ADPRH: variants seen among roughly 807,000 people sequenced by gnomAD.
The protein encoded by ADPRH is ADP-ribose-L-arginine cleaving enzyme.
In ADPRH, 27 loss-of-function variants were observed where a neutral mutation model predicts 28.8. The observed-to-expected ratio is 0.94, with a 90% CI of 0.69 to 1.29. The LOEUF is 1.29. ADPRH is among the 50% of genes most tolerant of loss of function. ADPRH has a pLI of 0.00. For synonymous variants in ADPRH, 161 were observed against 166.9 expected (o/e 0.96, Z 0.27); for missense variants, 419 against 444.8 (o/e 0.94, Z 0.52).
chr3:119,580,652 A>G lies in ADPRH; in HGVS notation c.-37+16A>G, dbSNP rs1278368481. ...TAGACCTTGGGTAAATAGGGTTTAG[A>G]TAAGTGGAGGGGAGGGAAAAGTTTC... On this transcript the variant is annotated intron_variant, in intron 2 of 4. Transcript: ENST00000357003. 10 of 152,170 alleles carry G rather than the reference A, an allele frequency of 6.6e-5. No homozygotes were observed. The highest frequency in any genetic ancestry group is 5.9e-4 in the Admixed American group (9 of 15,274). 9.4% of individuals were successfully genotyped at this position (152,170 alleles called of 1,614,324 possible). A position where few individuals can be genotyped will look rare whatever the true frequency, so the allele number is the denominator to read the frequency against.
rs745369693 is a variant in ADPRH at position 119,582,479 on chromosome 3, C to T, written c.298+12C>T. ...TGGGCGGGCACCAGGTGAGCACAGC[C>T]GGTGGGAGGTGCAAGGAGGGCAAAG... is the stretch of plus-strand genomic sequence containing the variant. On this transcript the variant is annotated intron_variant, in intron 3 of 4. Coordinates refer to ENST00000357003, the MANE Select transcript of ADPRH (RefSeq NM_001125.4). 14 of 1,606,068 alleles carry T rather than the reference C, an allele frequency of 8.7e-6. No homozygotes were observed. Among genetic ancestry groups the T allele is most frequent in the Middle Eastern group, 1.7e-4 (1 of 5,992 alleles).
Position 119,582,464 on chromosome 3 carries a change from C to T in ADPRH, c.295C>T (p.Pro99Ser). 1 of 1,611,706 alleles carries T rather than the reference C, an allele frequency of 6.2e-7. No homozygotes were observed. The highest frequency in any genetic ancestry group is 1.3e-5 in the African/African-American group (1 of 74,984). ...CATGGAAGACATGGATGGGCGGGCA[C>T]CAGGTGAGCACAGCCGGTGGGAGGT... The part of the protein sequence containing the change: ...DCMEDMDGRA[P>S]GGASVHNAMQ... The change falls in exon 3 of 5, where the codon CCA becomes TCA. Residue 99 changes from proline to serine, a missense_variant. Pro to Ser is a moderately conservative substitution (Grantham distance 74). Transcript: ENST00000357003.
chr3:119,584,086 A>C (rs185982856), intron 3 of ADPRH, among the ~76,000 whole-genome samples: 90 of 151,756 alleles, frequency 5.9e-4, no homozygotes, highest in African/African-American at 1.8e-3. Context: ...CCAAAAAAAA[A>C]CTTTTTTTTA....
chr3:119,580,133 G>A (rs962740268), intron 1 of ADPRH: 1 of 152,284 alleles, frequency 6.6e-6, no homozygotes, highest in African/African-American at 2.4e-5. Flanking sequence ...GAAAAAAGAT[G>A]CCGGTCTTCT....
intron 3 of ADPRH, among the ~76,000 whole-genome samples, chr3:119,584,303 C>G (rs2082437580): frequency 6.6e-6 from 1 of 151,774 alleles, no homozygotes; most frequent in South Asian, 2.1e-4. Flanking sequence ...TGGCTCATGC[C>G]TGTAATCCAA....
intron 3 of ADPRH, 103 bp from the exon 4 acceptor site, chr3:119,586,182 C>T: frequency 6.5e-7 from 1 of 1,544,738 alleles, no homozygotes; most frequent in Non-Finnish European, 8.8e-7. Flanking sequence ...TTGGCTCTCC[C>T]TTTCCATCAA....
chr3:119,587,879 G>C lies in ADPRH; in HGVS notation c.*1G>C, dbSNP rs1197267677. The C allele has an allele frequency of 6.3e-7, 1 of 1,579,162 alleles. No individual in the cohort carries two copies. The highest frequency in any genetic ancestry group is 1.9e-5 in the Admixed American group (1 of 53,696). ...AGAAGACACTGTAATTTCCCTTTAGGGAGACGTGATGTTCACTTCTGATGG... is the reference window on the plus strand; with the variant it reads ...AGAAGACACTGTAATTTCCCTTTAGCGAGACGTGATGTTCACTTCTGATGG... On this transcript the variant is annotated 3_prime_UTR_variant, in exon 5 of 5. Transcript: ENST00000357003.
At position 119,588,005 on chromosome 3, in the gene ADPRH, C is replaced by A; in HGVS notation, c.*127C>A. The A allele has an allele frequency of 9.5e-7, 1 of 1,053,986 alleles. No individual in the cohort carries two copies. Among genetic ancestry groups the A allele is most frequent in the Non-Finnish European group, 1.3e-6 (1 of 757,508 alleles). 65.3% of individuals were successfully genotyped at this position (1,053,986 alleles called of 1,614,324 possible). A position where few individuals can be genotyped will look rare whatever the true frequency, so the allele number is the denominator to read the frequency against. ...CAGGGAATTTTGAGATAACAAGTCC[C>A]TTGGGCACCTTAAGCTCAGTTTTTT... is the stretch of plus-strand genomic sequence containing the variant. On this transcript the variant is annotated 3_prime_UTR_variant, in exon 5 of 5. Transcript: ENST00000357003.
At chr3:119,587,179 C>A (rs2082469956) in intron 4 of ADPRH, among the ~76,000 whole-genome samples, 1 of 152,220 alleles carries the variant, frequency 6.6e-6, no homozygotes. Flanking sequence ...TACTCTCGAC[C>A]CTCCCAGGGA....
rs1185879910 is a variant in ADPRH at position 119,586,451 on chromosome 3, C to A, written c.465C>A (p.Ser155Arg). Residue 155 changes from serine to arginine, a missense_variant, in exon 4 of 5, where the codon AGC becomes AGA. Physicochemically the swap from Ser to Arg is moderately radical, Grantham distance 110. Coordinates refer to ENST00000357003, the MANE Select transcript of ADPRH (RefSeq NM_001125.4). The stretch of plus-strand genomic sequence containing the variant: ...AACTGGACACACTGATCCAAGTGAG[C>A]ATCGAGAGTGGTCGGATGACCCACC... ...HSQLDTLIQV[S>R]IESGRMTHHH... The A allele has an allele frequency of 6.2e-7, 1 of 1,614,190 alleles. No homozygotes were observed. Among genetic ancestry groups the A allele is most frequent in the African/African-American group, 1.3e-5 (1 of 75,032 alleles).
intron 3 of ADPRH, among the ~76,000 whole-genome samples, chr3:119,585,770 C>T (rs892996633): frequency 2.6e-5 from 4 of 152,224 alleles, no homozygotes; most frequent in East Asian, 1.9e-4. Context: ...AGGATGGTCC[C>T]GATCTCCTGA....
In ADPRH at chr3:119,589,913, G is replaced by A. The variant is rs2082501021; in HGVS notation, c.*2035G>A. The A allele has an allele frequency of 6.6e-6, 1 of 152,028 alleles. No homozygotes were observed. The highest frequency in any genetic ancestry group is 2.4e-5 in the African/African-American group (1 of 41,360). 9.4% of individuals were successfully genotyped at this position (152,028 alleles called of 1,614,324 possible). ...AGATAAACTTTATGCATAACATTAG[G>A]GTAAATCAATAAAGATGGTCTGACA... On this transcript the variant is annotated 3_prime_UTR_variant, in exon 5 of 5. Coordinates refer to ENST00000357003, the MANE Select transcript of ADPRH (RefSeq NM_001125.4).
chr3:119,586,695 G>T (rs1274647010), intron 4 of ADPRH, 50 bp downstream of exon 4: 2 of 1,596,068 alleles, frequency 1.3e-6, no homozygotes, highest in Non-Finnish European at 1.7e-6. Context: ...ATCTGTGCGT[G>T]TACATCCACC....
Position 119,587,637 on chromosome 3 carries a change from C to T in ADPRH, c.833C>T (p.Ala278Val), listed in dbSNP as rs761851659. ...GSSGHDAPMI[A>V]YDAVLAAGDS... is the part of the protein sequence containing the mutation. ...AGTGGGCACGATGCCCCCATGATTG[C>T]CTACGATGCTGTTCTTGCTGCAGGA... is the stretch of plus-strand genomic sequence containing the variant. Residue 278 changes from alanine (A) to valine (V), a missense_variant, in exon 5 of 5, where the codon GCC becomes GTC. By Grantham distance (64) the Ala-to-Val change is moderately conservative. Coordinates refer to ENST00000357003, the MANE Select transcript of ADPRH (RefSeq NM_001125.4). The T allele has an allele frequency of 1.7e-5, 28 of 1,614,044 alleles. No individual in the cohort carries two copies. Among genetic ancestry groups the T allele is most frequent in the Middle Eastern group, 1.6e-4 (1 of 6,082 alleles).
Position 119,587,895 on chromosome 3 carries a change from C to A in ADPRH, c.*17C>A, listed in dbSNP as rs1411898808. The A allele has an allele frequency of 3.9e-6, 6 of 1,546,238 alleles. No homozygotes were observed. In the African/African-American group the frequency reaches 6.9e-5, roughly 18 times the overall value. ...TCCCTTTAGGGAGACGTGATGTTCA[C>A]TTCTGATGGATTCTTCTTTTGTGTA... On this transcript the variant is annotated 3_prime_UTR_variant, in exon 5 of 5. Transcript: ENST00000357003.
intron 3 of ADPRH, 129 bp from the exon 4 acceptor site, chr3:119,586,156 T>C: frequency 2.9e-6 from 4 of 1,362,538 alleles, no homozygotes; most frequent in Admixed American, 2.0e-5. Context: ...TTTTGGGGCA[T>C]GCATCATCAT....
chr3:119,583,782 A>AG (rs1560067392), intron 3 of ADPRH, among the ~76,000 whole-genome samples: 2 of 146,426 alleles, frequency 1.4e-5, no homozygotes, highest in African/African-American at 5.0e-5. Flanking sequence ...TTAAAAAAAA[A>AG]TTTTTTTTTT....
rs9861284 is a variant in ADPRH at position 119,588,609 on chromosome 3, C to T, written c.*731C>T. 5,282 of 152,348 alleles carry T rather than the reference C, an allele frequency of 0.035. 301 individuals are homozygous for T. Among genetic ancestry groups the T allele is most frequent in the African/African-American group, 0.12 (5,025 of 41,526 alleles). 9.4% of individuals were successfully genotyped at this position (152,348 alleles called of 1,614,324 possible). A position where few individuals can be genotyped will look rare whatever the true frequency, so the allele number is the denominator to read the frequency against. On this transcript the variant is annotated 3_prime_UTR_variant, in exon 5 of 5. Coordinates refer to ENST00000357003, the MANE Select transcript of ADPRH (RefSeq NM_001125.4). ...TAAAGGGCATGGGAACAGTGAGGGA[C>T]ATATGTGGGGTCCTAACAATATCTG...
At chr3:119,585,759 C>T (rs1214666164) in intron 3 of ADPRH, among the ~76,000 whole-genome samples, 1 of 152,148 alleles carries the variant, frequency 6.6e-6, no homozygotes, top group Non-Finnish European at 1.5e-5. Flanking sequence ...CCGTGTTAGC[C>T]AGGATGGTCC....
Sources: gnomAD v4.1 joint callset for allele counts (sites outside exome capture counted in the v4.1 genomes callset) on GRCh38, gnomAD v4.1.1 for gene constraint, MANE v1.5 for transcripts, NCBI Gene and HGNC (gene_info 2026-07-23, HGNC 2026-07-21) for gene names.